The following DOK6 variants were observed in gnomAD, a reference collection of about 807,000 sequenced individuals.
DOK6 encodes the protein downstream of tyrosine kinase 6.
In DOK6, 22 loss-of-function variants were observed where a neutral mutation model predicts 44.0. The ratio of observed to expected loss-of-function variants is 0.50; its 90% CI spans 0.36 to 0.71. The LOEUF is 0.71. Ranked by LOEUF, DOK6 falls within the 30% of genes least tolerant of loss-of-function variation. The pLI, the probability that DOK6 is intolerant of heterozygous loss-of-function variation, is 0.00. For missense variants in DOK6, 340 were observed against 416.4 expected, an observed-to-expected ratio of 0.82 and a Z score of 1.60; for synonymous variants, 166 against 145.5, an observed-to-expected ratio of 1.14 and a Z score of -1.01.
intron 7 of DOK6, among the ~76,000 whole-genome samples, chr18:69,800,084 C>T (rs867017929): frequency 1.5e-4 from 9 of 60,870 alleles, no homozygotes; most frequent in Admixed American, 4.7e-4. Context: ...TATTTCTCTA[C>T]GTTCTATTAA....
At chr18:69,666,315 C>T (rs1221041504) in intron 3 of DOK6, among the ~76,000 whole-genome samples, 2 of 152,184 alleles carry the variant, frequency 1.3e-5, no homozygotes, top group East Asian at 1.9e-4. Flanking sequence ...TTCCCTGCTG[C>T]ATAACATGGA....
chr18:69,473,906 G>T (rs1321235888), intron 1 of DOK6, among the ~76,000 whole-genome samples: 2 of 152,028 alleles, frequency 1.3e-5, no homozygotes, highest in Non-Finnish European at 2.9e-5. Flanking sequence ...CCCTATCTGG[G>T]TTTTTCTATC....
Position 69,546,849 on chromosome 18 carries a change from T to C in DOK6, c.67-17638T>C, listed in dbSNP as rs114238986. ...TCTAGCTGTTTTGAACTATATCATA[T>C]GTTGCTGTGTTAAGCTGTTCTTACA... On this transcript the variant is annotated intron_variant, in intron 1 of 7. Coordinates refer to ENST00000382713, the MANE Select transcript of DOK6 (RefSeq NM_152721.6). Among the ~76,000 whole-genome samples, 913 of 151,688 alleles carry C rather than the reference T, an allele frequency of 6.0e-3. 14 individuals are homozygous for C. The highest frequency in any genetic ancestry group is 0.02 in the African/African-American group (849 of 41,492).
chr18:69,651,158 C>T (rs1985214895), intron 3 of DOK6, among the ~76,000 whole-genome samples: 1 of 152,188 alleles, frequency 6.6e-6, no homozygotes, highest in Admixed American at 6.5e-5. Context: ...GACATCTGTG[C>T]CCGTCCTCCC....
intron 6 of DOK6, among the ~76,000 whole-genome samples, chr18:69,751,686 A>G (rs542488466): frequency 8.0e-4 from 122 of 152,270 alleles, no homozygotes; most frequent in Non-Finnish European, 1.2e-3. Flanking sequence ...TCTCTACTAC[A>G]AAACATTAAA....
intron 1 of DOK6, among the ~76,000 whole-genome samples, chr18:69,428,087 C>G (rs1320980903): frequency 1.3e-5 from 2 of 152,084 alleles, no homozygotes; most frequent in African/African-American, 2.4e-5. Flanking sequence ...CTGGAGTACC[C>G]TACTTTTAAA....
chr18:69,580,319 A>G (rs1451410075), intron 2 of DOK6, among the ~76,000 whole-genome samples: 9 of 152,152 alleles, frequency 5.9e-5, no homozygotes, highest in Non-Finnish European at 1.2e-4. Context: ...TGTCAATAAC[A>G]AGCTGCTCTC....
At chr18:69,603,749 C>T (rs1398767070) in intron 3 of DOK6, among the ~76,000 whole-genome samples, 3 of 112,016 alleles carry the variant, frequency 2.7e-5, no homozygotes, top group East Asian at 5.5e-4. Flanking sequence ...CCAGCCTGGG[C>T]GACAGAGCGA....
intron 1 of DOK6, among the ~76,000 whole-genome samples, chr18:69,496,464 C>A (rs1980893629): frequency 6.6e-6 from 1 of 152,276 alleles, no homozygotes; most frequent in Non-Finnish European, 1.5e-5. Flanking sequence ...TGGCTCCAGA[C>A]AGCCGCTGCT....
At chr18:69,612,183 T>C (rs1410958631) in intron 3 of DOK6, among the ~76,000 whole-genome samples, 2 of 150,052 alleles carry the variant, frequency 1.3e-5, no homozygotes, top group Non-Finnish European at 3.0e-5. Context: ...TATATGTCTG[T>C]GATCTTAAGG....
intron 1 of DOK6, among the ~76,000 whole-genome samples, chr18:69,491,778 G>C (rs1443217089): frequency 2.6e-5 from 4 of 152,190 alleles, no homozygotes; most frequent in Admixed American, 1.3e-4. Flanking sequence ...TGCTGATTTG[G>C]AATTTGTTTA....
intron 7 of DOK6, among the ~76,000 whole-genome samples, chr18:69,767,545 G>C (rs111491112): frequency 9.1e-3 from 1 of 110 alleles, no homozygotes; most frequent in Admixed American, 0.071. Context: ...CAGTGCAGAG[G>C]AGAATGCCCC....
At chr18:69,499,464 C>T (rs183574867) in intron 1 of DOK6, among the ~76,000 whole-genome samples, 119 of 152,132 alleles carry the variant, frequency 7.8e-4, no homozygotes, top group Non-Finnish European at 1.3e-3. Flanking sequence ...GAGTAATTTA[C>T]GCAAAAATGA....
chr18:69,838,237 T>TA (rs541410720), intron 7 of DOK6, among the ~76,000 whole-genome samples: 45,202 of 140,646 alleles, frequency 0.32, 7,068 homozygotes, highest in East Asian at 0.47. Flanking sequence ...TCTAAAACTT[T>TA]AAAAAAAAAA....
At chr18:69,532,036 G>A (rs763192766) in intron 1 of DOK6, among the ~76,000 whole-genome samples, 6 of 152,254 alleles carry the variant, frequency 3.9e-5, no homozygotes, top group Non-Finnish European at 5.9e-5. Flanking sequence ...TCTCCACCAC[G>A]TGAGGACACA....
intron 1 of DOK6, among the ~76,000 whole-genome samples, chr18:69,465,413 G>A (rs918031044): frequency 4.0e-5 from 6 of 151,482 alleles, no homozygotes; most frequent in Non-Finnish European, 5.9e-5. Flanking sequence ...CCATTAACTC[G>A]TCATTTAGCA....
intron 7 of DOK6, among the ~76,000 whole-genome samples, chr18:69,796,080 AGCTG>A (rs1360074180): frequency 1.3e-5 from 2 of 152,190 alleles, no homozygotes; most frequent in African/African-American, 4.8e-5. Flanking sequence ...GTGCAGGGAA[AGCTG>A]GCTGTGGCCA....
intron 7 of DOK6, among the ~76,000 whole-genome samples, chr18:69,819,288 GA>G (rs1256985891): frequency 1.3e-5 from 2 of 151,620 alleles, no homozygotes; most frequent in Admixed American, 6.6e-5. Context: ...ATACAATCAA[GA>G]AAAAAAATCC....
chr18:69,706,679 C>T (rs1280960948), intron 5 of DOK6, among the ~76,000 whole-genome samples: 3 of 116,500 alleles, frequency 2.6e-5, no homozygotes, highest in South Asian at 3.9e-4. Flanking sequence ...TCCCCCCCTC[C>T]CCCCTCCCCC....
Sources: gnomAD v4.1 joint callset for allele counts (sites outside exome capture counted in the v4.1 genomes callset) on GRCh38, gnomAD v4.1.1 for gene constraint, MANE v1.5 for transcripts, NCBI Gene and HGNC (gene_info 2026-07-23, HGNC 2026-07-21) for gene names.